The following STAG1 variants were observed in gnomAD, a reference collection of about 807,000 sequenced individuals.
STAG1 encodes STAG1 cohesin complex component, also known as cohesin subunit SA-1.
In STAG1, 26 loss-of-function variants were observed where a neutral mutation model predicts 170.9. The observed-to-expected ratio is 0.15, with a 90% CI of 0.11 to 0.21. The LOEUF (loss-of-function observed/expected upper bound fraction) is 0.21. Ranked by LOEUF, STAG1 falls within the 10% of genes least tolerant of loss-of-function variation. STAG1 has a pLI of 1.00. For synonymous variants in STAG1, 514 were observed against 497.7 expected, an observed-to-expected ratio of 1.03 and a Z score of -0.44; for missense variants, 964 against 1,509.5, an observed-to-expected ratio of 0.64 and a Z score of 5.99.
At chr3:136,407,458 A>C (rs1474190777) in intron 21 of STAG1, among the ~76,000 whole-genome samples, 2 of 151,868 alleles carry the variant, frequency 1.3e-5, no homozygotes, top group Non-Finnish European at 2.9e-5. Context: ...TCAATCGTTC[A>C]TTGCTAAATA....
At chr3:136,587,879 T>C (rs190612325) in intron 4 of STAG1, among the ~76,000 whole-genome samples, 1 of 152,144 alleles carries the variant, frequency 6.6e-6, no homozygotes, top group Non-Finnish European at 1.5e-5. Flanking sequence ...GGAGAATAGC[T>C]TGAACCCGGG....
intron 3 of STAG1, among the ~76,000 whole-genome samples, chr3:136,604,771 C>T (rs1938855188): frequency 1.3e-5 from 2 of 152,132 alleles, no homozygotes; most frequent in Non-Finnish European, 1.5e-5. Flanking sequence ...CTGCCTCAGC[C>T]TCCCGAGTAG....
chr3:136,548,232 C>T (rs770484372), intron 5 of STAG1, among the ~76,000 whole-genome samples: 4 of 151,844 alleles, frequency 2.6e-5, no homozygotes, highest in Non-Finnish European at 5.9e-5. Context: ...TCCCACCTCA[C>T]CTCCCAAGTA....
chr3:136,634,100 C>T (rs2107841063), intron 1 of STAG1, among the ~76,000 whole-genome samples: 1 of 150,582 alleles, frequency 6.6e-6, no homozygotes, highest in Non-Finnish European at 1.5e-5. Flanking sequence ...AAGATCGTAC[C>T]ACTGCACTCC....
chr3:136,420,893 C>T (rs2087934255), intron 20 of STAG1, among the ~76,000 whole-genome samples, 200 bp downstream of exon 20: 1 of 152,208 alleles, frequency 6.6e-6, no homozygotes, highest in Non-Finnish European at 1.5e-5. Flanking sequence ...TCCTGCTTCT[C>T]CTGCCTCAGC....
chr3:136,427,004 G>C (rs191021068), intron 16 of STAG1, among the ~76,000 whole-genome samples: 4 of 151,434 alleles, frequency 2.6e-5, no homozygotes, highest in Non-Finnish European at 5.9e-5. Flanking sequence ...AGCTTGCAGT[G>C]AGCCGAGATC....
At chr3:136,441,184 C>T (rs1332987109) in intron 15 of STAG1, among the ~76,000 whole-genome samples, 1 of 152,104 alleles carries the variant, frequency 6.6e-6, no homozygotes, top group East Asian at 1.9e-4. Context: ...AAGTGCCCGC[C>T]ACCAAACCTG....
At chr3:136,739,458 C>T (rs1248967689) in intron 1 of STAG1, among the ~76,000 whole-genome samples, 1 of 148,000 alleles carries the variant, frequency 6.8e-6, no homozygotes, top group African/African-American at 2.5e-5. Context: ...CTGCAGTGAG[C>T]CGTGATCACG....
chr3:136,504,779 C>T (rs569512776), intron 7 of STAG1, among the ~76,000 whole-genome samples: 2 of 152,238 alleles, frequency 1.3e-5, no homozygotes, highest in Non-Finnish European at 2.9e-5. Context: ...AACTGAGGCA[C>T]GGCTTTTTAA....
At chr3:136,384,770 GA>G (rs112181904) in intron 22 of STAG1, among the ~76,000 whole-genome samples, 3,498 of 99,242 alleles carry the variant, frequency 0.035, 47 homozygotes, top group African/African-American at 0.047. Flanking sequence ...TCCATTTCAA[GA>G]AAAAAAAAAA....
chr3:136,719,065 A>G (rs1456854622), intron 1 of STAG1, among the ~76,000 whole-genome samples: 1 of 152,220 alleles, frequency 6.6e-6, no homozygotes, highest in Non-Finnish European at 1.5e-5. Context: ...CCAAAGAGGA[A>G]TGAAACATAT....
intron 23 of STAG1, among the ~76,000 whole-genome samples, chr3:136,369,559 G>A (rs1937212105): frequency 6.6e-6 from 1 of 151,988 alleles, no homozygotes; most frequent in Non-Finnish European, 1.5e-5. Context: ...AGTTTGACTT[G>A]AACTTTTAAA....
At chr3:136,747,347 A>C (rs2107958232) in intron 1 of STAG1, among the ~76,000 whole-genome samples, 1 of 151,948 alleles carries the variant, frequency 6.6e-6, no homozygotes, top group East Asian at 1.9e-4. Flanking sequence ...TGACGCAATG[A>C]TTGTGTGACT....
At chr3:136,452,776 G>A (rs912852522) in intron 13 of STAG1, among the ~76,000 whole-genome samples, 1 of 152,072 alleles carries the variant, frequency 6.6e-6, no homozygotes, top group African/African-American at 2.4e-5. Flanking sequence ...ACTAGAATAT[G>A]TAATTTTTAA....
chr3:136,465,113 C>A, intron 12 of STAG1, 125 bp from the exon 13 acceptor site: 1 of 593,340 alleles, frequency 1.7e-6, no homozygotes, highest in Non-Finnish European at 2.7e-6. Flanking sequence ...CATCTTTTAT[C>A]TTACTTTGAA....
chr3:136,647,043 T>C (rs1487738850), intron 1 of STAG1, among the ~76,000 whole-genome samples: 1 of 152,240 alleles, frequency 6.6e-6, no homozygotes, highest in African/African-American at 2.4e-5. Context: ...TTATACATTA[T>C]GTATACTGCA....
At chr3:136,676,410 C>T (rs577356148) in intron 1 of STAG1, among the ~76,000 whole-genome samples, 1 of 152,264 alleles carries the variant, frequency 6.6e-6, no homozygotes, top group Non-Finnish European at 1.5e-5. Flanking sequence ...GGTAATAACA[C>T]TCAGCTTAAA....
intron 6 of STAG1, among the ~76,000 whole-genome samples, chr3:136,523,632 C>G (rs1934818328): frequency 6.6e-6 from 1 of 152,152 alleles, no homozygotes; most frequent in Admixed American, 6.5e-5. Flanking sequence ...GCTTTTGTTG[C>G]CATTTCTTTT....
chr3:136,402,260 C>G (rs2087349816), intron 21 of STAG1, among the ~76,000 whole-genome samples: 1 of 151,782 alleles, frequency 6.6e-6, no homozygotes, highest in Admixed American at 6.6e-5. Context: ...CTCTGTCACC[C>G]AGGCTGGAGT....
Sources: allele counts gnomAD v4.1 joint callset (sites outside exome capture counted in the v4.1 genomes callset), GRCh38; gene constraint gnomAD v4.1.1; transcripts MANE v1.5; gene names NCBI Gene and HGNC (gene_info 2026-07-23, HGNC 2026-07-21).